Variants in SPAST observed in about 807,000 individuals in gnomAD.
The protein encoded by SPAST is spastin.
A neutral mutation model predicts 76.6 loss-of-function variants in SPAST; 30 were observed. The ratio of observed to expected loss-of-function variants is 0.39; its 90% CI spans 0.29 to 0.53. The LOEUF is 0.53. Among genes scored for constraint, SPAST ranks in the 20% least tolerant of loss-of-function variants. The pLI is 0.68. For synonymous variants in SPAST, 305 were observed against 281.0 expected (o/e 1.09, Z -0.86); for missense variants, 717 against 770.5 (o/e 0.93, Z 0.82).
intron 1 of SPAST, among the ~76,000 whole-genome samples, chr2:32,074,662 A>G (rs1442884657): frequency 6.6e-6 from 1 of 151,734 alleles, no homozygotes; most frequent in Non-Finnish European, 1.5e-5. Flanking sequence ...GCAAGTCACC[A>G]CACCCGGCTA....
chr2:32,146,462 G>A (rs1033992207), intron 15 of SPAST, among the ~76,000 whole-genome samples: 1 of 152,260 alleles, frequency 6.6e-6, no homozygotes, highest in Non-Finnish European at 1.5e-5. Flanking sequence ...TCGGGAGTCT[G>A]AAGTAGGAGG....
At chr2:32,073,313 G>A (rs139728227) in intron 1 of SPAST, among the ~76,000 whole-genome samples, 111 of 152,206 alleles carry the variant, frequency 7.3e-4, no homozygotes, top group African/African-American at 2.5e-3. Flanking sequence ...GATTACAGGC[G>A]TGAGCCACTG....
intron 1 of SPAST, among the ~76,000 whole-genome samples, chr2:32,080,965 T>G (rs377266044): frequency 1.3e-5 from 2 of 151,580 alleles, no homozygotes; most frequent in African/African-American, 4.9e-5. Context: ...TGGCTAATTT[T>G]TTTTTTTTTC....
chr2:32,151,981 T>C (rs1389760522), intron 16 of SPAST, among the ~76,000 whole-genome samples: 1 of 152,032 alleles, frequency 6.6e-6, no homozygotes, highest in Admixed American at 6.6e-5. Context: ...AAATAATTGG[T>C]TTGGAATTTC....
chr2:32,139,644 A>AG (rs1679651208), intron 12 of SPAST, among the ~76,000 whole-genome samples: 2 of 152,014 alleles, frequency 1.3e-5, no homozygotes, highest in Non-Finnish European at 2.9e-5. Flanking sequence ...CCTGACCAAC[A>AG]TGGTGAAACC....
intron 13 of SPAST, among the ~76,000 whole-genome samples, chr2:32,142,917 G>T (rs3851310): frequency 0.37 from 56,343 of 151,880 alleles, 10,829 homozygotes; most frequent in East Asian, 0.64. Context: ...TATAAAACTG[G>T]TTTTTTGCAG....
rs34078147 is a variant in SPAST, at chr2:32,081,781, CAAAA to C, written c.416-5691_416-5688del. ...CCTGGGCGACAGAGTGAGACACTGTCAAAAAAAAAAAAAAAAAAAAAAAGGAAAG... is the reference window on the plus strand; with the variant it reads ...CCTGGGCGACAGAGTGAGACACTGTCAAAAAAAAAAAAAAAAAAAGGAAAG... On this transcript the variant is annotated intron_variant, in intron 1 of 16. Transcript: ENST00000315285. Among the ~76,000 whole-genome samples the C allele has an allele frequency of 9.2e-3, 409 of 44,382 alleles. 4 individuals are homozygous for C. Among genetic ancestry groups the C allele is most frequent in the African/African-American group, 0.03 (361 of 11,950 alleles). 29.1% of individuals were successfully genotyped at this position (44,382 alleles called of 152,430 possible).
At chr2:32,127,198 A>G (rs1679224634) in intron 8 of SPAST, 176 bp downstream of exon 8, 1 of 594,000 alleles carries the variant, frequency 1.7e-6, no homozygotes, top group Admixed American at 2.7e-5. Flanking sequence ...GCTCACCGCA[A>G]CCTCCGCCTC....
At chr2:32,092,340 T>C (rs1285797817) in intron 3 of SPAST, among the ~76,000 whole-genome samples, 1 of 152,240 alleles carries the variant, frequency 6.6e-6, no homozygotes, top group Non-Finnish European at 1.5e-5. Context: ...AATTGGTACT[T>C]TCTACGTGTT....
At chr2:32,114,927 T>C (rs1313520108) in intron 5 of SPAST, 102 bp downstream of exon 5, 1 of 844,424 alleles carries the variant, frequency 1.2e-6, no homozygotes, top group Non-Finnish European at 1.9e-6. Flanking sequence ...TATAATACTT[T>C]AGAGAATGGA....
chr2:32,067,681 C>CT (rs1476960199), intron 1 of SPAST, among the ~76,000 whole-genome samples: 2 of 150,334 alleles, frequency 1.3e-5, no homozygotes, highest in African/African-American at 2.4e-5. Flanking sequence ...GTGTTTCACT[C>CT]TCTTACCCAA....
intron 4 of SPAST, among the ~76,000 whole-genome samples, chr2:32,104,577 C>G (rs1422152511): frequency 2.6e-5 from 4 of 152,172 alleles, no homozygotes; most frequent in Non-Finnish European, 4.4e-5. Context: ...CATGTTTTTG[C>G]AGTGGCTTGT....
chr2:32,154,374 A>G lies in SPAST; in HGVS notation c.1729A>G (p.Met577Val). Residue 577 changes from methionine (M) to valine (V), a missense_variant and splice_region_variant, in exon 17 of 17, where the codon ATG (methionine) becomes GTG (valine). Coordinates refer to ENST00000315285, the MANE Select transcript of SPAST (RefSeq NM_014946.4). ...TGTCATGTGCTTTTTAAAAATCTAG[A>G]TGAGAAATATTCGATTATCTGACTT... is the stretch of plus-strand genomic sequence containing the variant. ...EQVKNMSASE[M>V]RNIRLSDFTE... 6.2e-7 allele frequency: 1 copy of G among 1,612,804 alleles called. No individual in the cohort carries two copies. Among genetic ancestry groups the G allele is most frequent in the Non-Finnish European group, 8.5e-7 (1 of 1,178,800 alleles).
intron 4 of SPAST, among the ~76,000 whole-genome samples, chr2:32,110,805 A>T (rs1678554991): frequency 7.3e-6 from 1 of 136,830 alleles, no homozygotes; most frequent in African/African-American, 2.7e-5. Context: ...TATACATAGT[A>T]TACTATATAG....
In SPAST at chr2:32,067,281, C is replaced by T. The variant is rs1050834045; in HGVS notation, c.415+3035C>T. On this transcript the variant is annotated intron_variant, in intron 1 of 16. Coordinates refer to ENST00000315285, the MANE Select transcript of SPAST (RefSeq NM_014946.4). ...TCCACCATGTTGGCCAGGCTGGTTT[C>T]GAGCTCCTGACCTCAAGTGAACCGC... 9.2e-4 allele frequency among the ~76,000 whole-genome samples: 140 copies of T among 152,146 alleles called. 1 individual carries two copies. Among genetic ancestry groups the T allele is most frequent in the African/African-American group, 3.0e-3 (126 of 41,520 alleles).
intron 1 of SPAST, among the ~76,000 whole-genome samples, chr2:32,067,854 G>T: frequency 6.7e-6 from 1 of 150,218 alleles, no homozygotes. Context: ...AATAAATTAG[G>T]TTTTATTGTA....
At chr2:32,109,875 T>TATAGTTACATATGTATATGCATAC in intron 4 of SPAST, among the ~76,000 whole-genome samples, 1 of 135,276 alleles carries the variant, frequency 7.4e-6, no homozygotes, top group South Asian at 2.5e-4. Context: ...TATATGCATA[T>TATAGTTACATATGTATATGCATAC]ACATATATAG....
At chr2:32,070,976 C>T (rs1236816413) in intron 1 of SPAST, among the ~76,000 whole-genome samples, 1 of 152,176 alleles carries the variant, frequency 6.6e-6, no homozygotes. Context: ...TGAATGGACT[C>T]AAAATATTGT....
At chr2:32,099,660 G>A (rs190348805) in intron 4 of SPAST, among the ~76,000 whole-genome samples, 2 of 151,886 alleles carry the variant, frequency 1.3e-5, no homozygotes, top group Non-Finnish European at 2.9e-5. Context: ...ATCATTCCTT[G>A]TGTTGGAAAC....
Sources: allele counts gnomAD v4.1 joint callset (sites outside exome capture counted in the v4.1 genomes callset), GRCh38; gene constraint gnomAD v4.1.1; transcripts MANE v1.5; gene names NCBI Gene and HGNC (gene_info 2026-07-23, HGNC 2026-07-21).